The following FERMT2 variants were observed in gnomAD, a reference collection of about 807,000 sequenced individuals.
FERMT2 encodes the protein FERM domain containing kindlin 2, also known as fermitin family homolog 2.
FERMT2 carries 15 observed loss-of-function variants against 82.7 expected under a neutral mutation model. That is an observed-to-expected ratio of 0.18 (90% CI 0.12 to 0.28). The LOEUF (loss-of-function observed/expected upper bound fraction) is 0.28, where lower values mean the gene tolerates loss of function less well. Ranked by LOEUF, FERMT2 falls within the 10% of genes least tolerant of loss-of-function variation. The probability of loss-of-function intolerance (pLI) is 1.00; values close to 1 mark genes in which losing one functional copy is unlikely to be tolerated. For synonymous variants in FERMT2, 274 were observed against 271.5 expected, an observed-to-expected ratio of 1.01 and a Z score of -0.09; for missense variants, 645 against 809.4, an observed-to-expected ratio of 0.80 and a Z score of 2.46.
At chr14:52,905,019 A>G in intron 3 of FERMT2, among the ~76,000 whole-genome samples, 1 of 151,742 alleles carries the variant, frequency 6.6e-6, no homozygotes, top group East Asian at 1.9e-4. Context: ...GTGAAACCTC[A>G]TCTCTACTAA....
At position 52,864,468 on chromosome 14, in the gene FERMT2, A is replaced by G; in HGVS notation, c.1535T>C (p.Ile512Thr). 2 of 1,614,172 alleles carry G rather than the reference A, an allele frequency of 1.2e-6. No homozygotes were observed. Among genetic ancestry groups the G allele is most frequent in the Non-Finnish European group, 1.7e-6 (2 of 1,179,984 alleles). The stretch of plus-strand genomic sequence containing the variant: ...ACATTCAGGAGTTATATCAGTCGTG[A>G]TCTGCTCTGGTATTAACTGAGGATC... ...NPDPQLIPEQ[I>T]TTDITPECLV... Residue 512 changes from isoleucine to threonine, a missense_variant, in exon 12 of 15, where the codon ATC (isoleucine) becomes ACC (threonine). By Grantham distance (89) the Ile-to-Thr change is moderately conservative. Coordinates refer to ENST00000341590, the MANE Select transcript of FERMT2 (RefSeq NM_006832.3).
intron 2 of FERMT2, among the ~76,000 whole-genome samples, chr14:52,943,121 TCACTTGAACTTGGGA>T (rs1180817783): frequency 2.0e-5 from 3 of 146,858 alleles, no homozygotes; most frequent in South Asian, 2.1e-4. Flanking sequence ...GGCAGGAGAA[TCACTTGAACTTGGGA>T]GGCGGAGGTT....
chr14:52,892,157 CTGTTTTT>C (rs775045633), intron 4 of FERMT2, among the ~76,000 whole-genome samples: 1 of 110,154 alleles, frequency 9.1e-6, no homozygotes, highest in Non-Finnish European at 1.8e-5. Context: ...AGAGAGAAGG[CTGTTTTT>C]TGTTTTTTTT....
At chr14:52,913,927 C>A (rs1888469217) in intron 3 of FERMT2, among the ~76,000 whole-genome samples, 1 of 152,060 alleles carries the variant, frequency 6.6e-6, no homozygotes, top group African/African-American at 2.4e-5. Context: ...GTATAAGGAG[C>A]TCCAGATTCT....
At chr14:52,939,692 C>T (rs1595022452) in intron 2 of FERMT2, among the ~76,000 whole-genome samples, 1 of 152,292 alleles carries the variant, frequency 6.6e-6, no homozygotes, top group East Asian at 1.9e-4. Flanking sequence ...AGGATTCTGA[C>T]GTGGGTGGGC....
intron 2 of FERMT2, among the ~76,000 whole-genome samples, chr14:52,948,815 T>C (rs1316991264): frequency 6.6e-6 from 1 of 152,198 alleles, no homozygotes; most frequent in Non-Finnish European, 1.5e-5. Flanking sequence ...CTCCTTTTTT[T>C]GCAATATAAA....
intron 3 of FERMT2, among the ~76,000 whole-genome samples, chr14:52,901,811 TAA>T (rs1412469042): frequency 6.6e-6 from 1 of 152,184 alleles, no homozygotes; most frequent in Non-Finnish European, 1.5e-5. Flanking sequence ...TTCAGCCACT[TAA>T]GAGTCTATAG....
chr14:52,939,191 C>CT (rs1393214344), intron 2 of FERMT2, among the ~76,000 whole-genome samples: 5 of 72,752 alleles, frequency 6.9e-5, no homozygotes, highest in African/African-American at 2.5e-4. Context: ...CCCATCTCTA[C>CT]TAAAAAAAAA....
At chr14:52,861,090 T>C in intron 12 of FERMT2, 1 of 1,435,146 alleles carries the variant, frequency 7.0e-7, no homozygotes, top group South Asian at 1.4e-5. Context: ...AAAAAGGCAA[T>C]CAGAAAAAAT....
chr14:52,925,489 G>A (rs972982509), intron 2 of FERMT2, among the ~76,000 whole-genome samples: 2 of 149,746 alleles, frequency 1.3e-5, no homozygotes, highest in African/African-American at 5.0e-5. Flanking sequence ...CACCCAGGAG[G>A]CAGAGGTTGC....
At chr14:52,907,161 T>TGA (rs141086708) in intron 3 of FERMT2, among the ~76,000 whole-genome samples, 1 of 152,156 alleles carries the variant, frequency 6.6e-6, no homozygotes, top group East Asian at 1.9e-4. Context: ...TACAGGTGCA[T>TGA]GCCACCATGC....
chr14:52,899,392 C>T (rs1025131661), intron 3 of FERMT2, among the ~76,000 whole-genome samples: 1 of 152,196 alleles, frequency 6.6e-6, no homozygotes, highest in East Asian at 1.9e-4. Flanking sequence ...AAGCGATTCC[C>T]CTGCCTCAGC....
At chr14:52,862,869 T>C (rs1885040060) in intron 12 of FERMT2, 1 of 152,218 alleles carries the variant, frequency 6.6e-6, no homozygotes, top group Non-Finnish European at 1.5e-5. Context: ...AGAACTATCA[T>C]TTAAAAGGCT....
At chr14:52,883,027 G>A (rs984186732) in intron 4 of FERMT2, among the ~76,000 whole-genome samples, 1 of 152,020 alleles carries the variant, frequency 6.6e-6, no homozygotes, top group South Asian at 2.1e-4. Flanking sequence ...GAGAAACCCT[G>A]TCTCTACTAA....
chr14:52,916,162 G>A (rs1472051378), intron 3 of FERMT2, among the ~76,000 whole-genome samples: 1 of 152,060 alleles, frequency 6.6e-6, no homozygotes, highest in East Asian at 1.9e-4. Context: ...TGGCCAACAT[G>A]ATGAAACCCC....
chr14:52,907,772 C>T (rs1888101010), intron 3 of FERMT2, among the ~76,000 whole-genome samples: 1 of 151,412 alleles, frequency 6.6e-6, no homozygotes, highest in Non-Finnish European at 1.5e-5. Flanking sequence ...CAACCACCCC[C>T]CACCAAAAAA....
chr14:52,888,479 A>G (rs753484997), intron 4 of FERMT2, among the ~76,000 whole-genome samples: 20 of 152,214 alleles, frequency 1.3e-4, no homozygotes, highest in Non-Finnish European at 2.5e-4. Context: ...AGCAAAATTT[A>G]GTAAGTTCTG....
chr14:52,859,797 T>G (rs1455982161), intron 13 of FERMT2, 83 bp from the exon 14 acceptor site: 3 of 777,160 alleles, frequency 3.9e-6, no homozygotes, highest in Middle Eastern at 2.4e-4. Flanking sequence ...AAGTGTTCTC[T>G]CTAACCCTAA....
rs776878631 is a variant in FERMT2 at position 52,874,190 on chromosome 14, T to C, written c.1135A>G (p.Ile379Val). Residue 379 changes from isoleucine (I) to valine (V), a missense_variant, in exon 9 of 15, where the codon ATT becomes GTT. Coordinates refer to ENST00000341590, the MANE Select transcript of FERMT2 (RefSeq NM_006832.3). Reference sequence around the variant, plus strand: ...TTTTGTACTTACTTGAAAACTTTAATGTAGTCAGCAAGTTCAGGAATGGAA... The same window carrying C: ...TTTTGTACTTACTTGAAAACTTTAACGTAGTCAGCAAGTTCAGGAATGGAA... ...ITSIPELADY[I>V]KVFKPKKLTL... 3 of 1,597,990 alleles carry C rather than the reference T, an allele frequency of 1.9e-6. No individual in the cohort carries two copies. Among genetic ancestry groups the C allele is most frequent in the Admixed American group, 3.4e-5 (2 of 58,140 alleles).
Sources: gnomAD v4.1 joint callset for allele counts (sites outside exome capture counted in the v4.1 genomes callset) on GRCh38, gnomAD v4.1.1 for gene constraint, MANE v1.5 for transcripts, NCBI Gene and HGNC (gene_info 2026-07-23, HGNC 2026-07-21) for gene names.